RGS6: variants seen among roughly 807,000 people sequenced by gnomAD.
RGS6 encodes regulator of G protein signaling 6, also known as regulator of G-protein signaling 6.
In RGS6, 30 loss-of-function variants were observed where a neutral mutation model predicts 78.5. That is an observed-to-expected ratio of 0.38 (90% CI 0.29 to 0.52). The LOEUF is 0.52. Among genes scored for constraint, RGS6 ranks in the 20% least tolerant of loss-of-function variants. The pLI, the probability that RGS6 is intolerant of heterozygous loss-of-function variation, is 0.85. For synonymous variants in RGS6, 206 were observed against 206.0 expected (o/e 1.00, Z 0.00); for missense variants, 495 against 609.7 (o/e 0.81, Z 1.98).
chr14:71,871,758 A>G, the RGS6 span, among the ~76,000 whole-genome samples: 1 of 151,938 alleles, frequency 6.6e-6, no homozygotes, highest in Non-Finnish European at 1.5e-5. Flanking sequence ...TCCCATGTCT[A>G]TTACCCTGAC....
At chr14:72,264,811 A>G (rs768466368) in intron 2 of RGS6, among the ~76,000 whole-genome samples, 28 of 152,196 alleles carry the variant, frequency 1.8e-4, no homozygotes, top group Admixed American at 6.5e-5. Flanking sequence ...GCGCCTGCCA[A>G]CTGGTGTCAC....
intron 2 of RGS6, among the ~76,000 whole-genome samples, chr14:72,026,514 G>A (rs928046615): frequency 1.3e-5 from 2 of 152,238 alleles, no homozygotes; most frequent in African/African-American, 4.8e-5. Flanking sequence ...GAACTGACCA[G>A]TGTCAAATCC....
intron 2 of RGS6, among the ~76,000 whole-genome samples, chr14:72,189,102 T>G (rs1474896632): frequency 6.6e-6 from 1 of 152,346 alleles, no homozygotes; most frequent in East Asian, 1.9e-4. Context: ...GTGGGCCATA[T>G]GATCTCCATT....
At chr14:71,921,115 C>G in the RGS6 span, among the ~76,000 whole-genome samples, 3 of 152,296 alleles carry the variant, frequency 2.0e-5, no homozygotes, top group Admixed American at 6.5e-5. Context: ...CTCAACATCA[C>G]TAATCATCAG....
chr14:71,957,493 G>T (rs959897119), intron 1 of RGS6, among the ~76,000 whole-genome samples: 1 of 152,198 alleles, frequency 6.6e-6, no homozygotes, highest in Non-Finnish European at 1.5e-5. Context: ...TTAAAGTTCA[G>T]AGAGGAGATG....
intron 17 of RGS6, chr14:72,550,684 T>C (rs2097492872): frequency 1.4e-6 from 2 of 1,455,818 alleles, no homozygotes; most frequent in Non-Finnish European, 1.8e-6. Context: ...TCACTAGCCT[T>C]TGTGAGTCAT....
At chr14:72,107,435 G>T (rs997726491) in intron 2 of RGS6, among the ~76,000 whole-genome samples, 1 of 152,026 alleles carries the variant, frequency 6.6e-6, no homozygotes, top group Non-Finnish European at 1.5e-5. Context: ...CTCATCTTGT[G>T]TATTTCCTGC....
intron 13 of RGS6, among the ~76,000 whole-genome samples, chr14:72,503,485 CCAGCTGTGAACTTGTGAAACCAAA>C (rs150161099): frequency 0.021 from 3,173 of 152,228 alleles, 81 homozygotes; most frequent in East Asian, 0.075. Context: ...AAATTCTTCT[CCAGCTGTGAACTTGTGAAACCAAA>C]CAAGTTATGT....
At chr14:71,921,569 G>A in the RGS6 span, among the ~76,000 whole-genome samples, 1 of 152,212 alleles carries the variant, frequency 6.6e-6, no homozygotes, top group Non-Finnish European at 1.5e-5. Context: ...GGACAATGTG[G>A]ATGACCCTGG....
chr14:72,521,609 T>G (rs1371175650), intron 15 of RGS6, among the ~76,000 whole-genome samples: 1 of 152,244 alleles, frequency 6.6e-6, no homozygotes, highest in Non-Finnish European at 1.5e-5. Flanking sequence ...TCTGCTAGGA[T>G]TAGTCTCCCA....
At chr14:72,040,331 C>G (rs1215306438) in intron 2 of RGS6, among the ~76,000 whole-genome samples, 1 of 151,982 alleles carries the variant, frequency 6.6e-6, no homozygotes, top group Non-Finnish European at 1.5e-5. Flanking sequence ...GATGAACTCT[C>G]CCAGCCTTTG....
intron 3 of RGS6, among the ~76,000 whole-genome samples, chr14:72,367,856 C>T (rs1190052186): frequency 2.0e-5 from 3 of 152,188 alleles, no homozygotes; most frequent in Non-Finnish European, 2.9e-5. Flanking sequence ...GTTTTCTCAC[C>T]TGTTAATTGA....
At chr14:72,212,110 G>C (rs1215066092) in intron 2 of RGS6, among the ~76,000 whole-genome samples, 2 of 152,170 alleles carry the variant, frequency 1.3e-5, no homozygotes, top group Non-Finnish European at 2.9e-5. Context: ...GTGTGCCTGA[G>C]AAAGTCCAGA....
intron 2 of RGS6, among the ~76,000 whole-genome samples, chr14:72,346,190 T>A (rs758597453): frequency 5.0e-4 from 76 of 152,328 alleles, no homozygotes; most frequent in Non-Finnish European, 7.8e-4. Flanking sequence ...TAGATTTTTT[T>A]AAAAAACAAT....
chr14:72,440,639 C>G (rs1242842577), intron 3 of RGS6, among the ~76,000 whole-genome samples: 1 of 152,070 alleles, frequency 6.6e-6, no homozygotes, highest in African/African-American at 2.4e-5. Flanking sequence ...TCTCAAACTC[C>G]TGACCTCAGG....
intron 2 of RGS6, among the ~76,000 whole-genome samples, chr14:72,258,911 A>C (rs906598234): frequency 6.6e-6 from 1 of 152,174 alleles, no homozygotes; most frequent in Non-Finnish European, 1.5e-5. Context: ...ATGAGCCACA[A>C]ATTTGCTTCT....
chr14:71,988,566 T>C (rs2094820132), intron 2 of RGS6, among the ~76,000 whole-genome samples: 1 of 152,202 alleles, frequency 6.6e-6, no homozygotes, highest in Non-Finnish European at 1.5e-5. Flanking sequence ...TGGCTTTTTT[T>C]TTTGAGCTAC....
chr14:72,440,574 G>A (rs376992796), intron 3 of RGS6, among the ~76,000 whole-genome samples: 20 of 151,932 alleles, frequency 1.3e-4, no homozygotes, highest in East Asian at 9.7e-4. Flanking sequence ...CACCATGCCC[G>A]GCTAATTTTT....
intron 2 of RGS6, among the ~76,000 whole-genome samples, chr14:72,131,830 A>G (rs574259116): frequency 6.6e-6 from 1 of 152,346 alleles, no homozygotes; most frequent in East Asian, 1.9e-4. Flanking sequence ...TCTGTTCAAT[A>G]GATTTGAGAT....
Sources: gnomAD v4.1 joint callset for allele counts (sites outside exome capture counted in the v4.1 genomes callset) on GRCh38, gnomAD v4.1.1 for gene constraint, MANE v1.5 for transcripts, NCBI Gene and HGNC (gene_info 2026-07-23, HGNC 2026-07-21) for gene names.